The following DENND1A variants were observed in gnomAD, a reference collection of about 807,000 sequenced individuals.
The protein encoded by DENND1A is DENN domain-containing protein 1A.
Under a neutral mutation model 113.7 loss-of-function variants are expected in DENND1A, and 51 were observed. The observed-to-expected ratio is 0.45, with a 90% CI of 0.36 to 0.57. The LOEUF is 0.57. Among genes scored for constraint, DENND1A ranks in the 20% least tolerant of loss-of-function variants. The pLI, the probability that DENND1A is intolerant of heterozygous loss-of-function variation, is 0.00. For synonymous variants in DENND1A, 565 were observed against 570.8 expected, an observed-to-expected ratio of 0.99 and a Z score of 0.14; for missense variants, 1,258 against 1,395.9, an observed-to-expected ratio of 0.90 and a Z score of 1.57.
rs754548266 is a variant in DENND1A, at chr9:123,382,031, A to C, written c.2614T>G (p.Phe872Val). The C allele has an allele frequency of 2.4e-6, 3 of 1,234,032 alleles. No individual in the cohort carries two copies. The highest frequency in any genetic ancestry group is 3.3e-5 in the South Asian group (2 of 60,118). The allele number at this position is 1,234,032 out of a possible 1,614,324, so 76.4% of individuals were successfully genotyped here. A position where few individuals can be genotyped will look rare whatever the true frequency, so the allele number is the denominator to read the frequency against. Residue 872 changes from phenylalanine to valine, a missense_variant, in exon 24 of 24, where the codon TTC becomes GTC. Physicochemically the swap from Phe to Val is conservative, Grantham distance 50. Transcript: ENST00000394215. ...RPATPNVATP[F>V]TPQFSFPPAG... ...GGGGGGAAGCTGAATTGGGGGGTGAATGGGGTGGCTACATTCGGGGTGGCG... is the reference window on the plus strand; with the variant it reads ...GGGGGGAAGCTGAATTGGGGGGTGACTGGGGTGGCTACATTCGGGGTGGCG...
At chr9:123,666,300 T>G (rs1004254990) in intron 8 of DENND1A, among the ~76,000 whole-genome samples, 1 of 152,222 alleles carries the variant, frequency 6.6e-6, no homozygotes. Flanking sequence ...ATAATCATAG[T>G]AAAACATTTT....
At chr9:123,879,636 T>A (rs1030406483) in intron 1 of DENND1A, among the ~76,000 whole-genome samples, 3 of 152,182 alleles carry the variant, frequency 2.0e-5, no homozygotes, top group Admixed American at 1.3e-4. Context: ...TTTACAGATG[T>A]CACATTTCCA....
In DENND1A at chr9:123,569,985, C is replaced by T. The variant is rs537810481; in HGVS notation, c.868-12290G>A. 7.6e-4 allele frequency among the ~76,000 whole-genome samples: 116 copies of T among 152,300 alleles called. 2 individuals are homozygous for T. Among genetic ancestry groups the T allele is most frequent in the Admixed American group, 7.6e-3 (116 of 15,304 alleles). ...GTGACCATTCCCAATCTGGTCCCTC[C>T]TGTCTATTTGGGTCTCATCTTTTGT... On this transcript the variant is annotated intron_variant, in intron 12 of 23. Coordinates refer to ENST00000394215, the MANE Select transcript of DENND1A (RefSeq NM_001352964.2).
chr9:123,630,063 CAG>C (rs2061407905), intron 10 of DENND1A, among the ~76,000 whole-genome samples: 1 of 151,996 alleles, frequency 6.6e-6, no homozygotes, highest in Admixed American at 6.6e-5. Flanking sequence ...ATTATTGAGA[CAG>C]AGTCTCACTC....
intron 1 of DENND1A, among the ~76,000 whole-genome samples, chr9:123,911,814 C>G (rs1213081182): frequency 6.6e-6 from 1 of 152,024 alleles, no homozygotes; most frequent in Non-Finnish European, 1.5e-5. Context: ...CCTCAGCCTC[C>G]CAAGTTGCTG....
rs369206482 is a variant in DENND1A, at chr9:123,566,202, T to C, written c.868-8507A>G. Among the ~76,000 whole-genome samples, 3 of 152,322 alleles carry C rather than the reference T, an allele frequency of 2.0e-5. No individual in the cohort carries two copies. In the East Asian group the frequency reaches 5.8e-4, roughly 29 times the overall value. The stretch of plus-strand genomic sequence containing the variant: ...AAATTAGATATGTCCATGATACTGG[T>C]TTATTTTTTCCCTGATTTAATATAT... On this transcript the variant is annotated intron_variant, in intron 12 of 23. Coordinates refer to ENST00000394215, the MANE Select transcript of DENND1A (RefSeq NM_001352964.2).
At chr9:123,477,578 G>C (rs976970184) in intron 13 of DENND1A, among the ~76,000 whole-genome samples, 1 of 151,678 alleles carries the variant, frequency 6.6e-6, no homozygotes, top group African/African-American at 2.4e-5. Flanking sequence ...ACACACTCTG[G>C]GGCCTGTCGG....
At chr9:123,504,388 T>C (rs2052739876) in intron 13 of DENND1A, among the ~76,000 whole-genome samples, 2 of 152,186 alleles carry the variant, frequency 1.3e-5, no homozygotes, top group South Asian at 4.1e-4. Flanking sequence ...GGTTTGTCTT[T>C]GTATACCTGA....
intron 13 of DENND1A, among the ~76,000 whole-genome samples, chr9:123,493,319 G>T (rs2051552990): frequency 6.6e-6 from 1 of 152,204 alleles, no homozygotes; most frequent in South Asian, 2.1e-4. Context: ...AGGTTGGGGG[G>T]AGACTTGGTT....
At chr9:123,609,582 C>T (rs566599107) in intron 10 of DENND1A, 101 bp from the exon 11 acceptor site, 33 of 1,304,170 alleles carry the variant, frequency 2.5e-5, no homozygotes, top group Middle Eastern at 1.9e-4. Flanking sequence ...TTTTAATAAA[C>T]GTATGCATAG....
intron 13 of DENND1A, among the ~76,000 whole-genome samples, chr9:123,460,714 G>A (rs2048459745): frequency 6.6e-6 from 1 of 152,152 alleles, no homozygotes; most frequent in Non-Finnish European, 1.5e-5. Context: ...TTAAACCACG[G>A]TGGAGGTTTA....
chr9:123,795,965 T>C (rs1833698961), intron 2 of DENND1A, among the ~76,000 whole-genome samples: 1 of 152,202 alleles, frequency 6.6e-6, no homozygotes, highest in Non-Finnish European at 1.5e-5. Context: ...AATCTAGTGG[T>C]ACATAGCACA....
intron 5 of DENND1A, among the ~76,000 whole-genome samples, chr9:123,713,800 T>C (rs879537892): frequency 8.5e-5 from 13 of 152,192 alleles, no homozygotes; most frequent in African/African-American, 1.7e-4. Flanking sequence ...AATAACATTA[T>C]TGTCACTATT....
intron 9 of DENND1A, among the ~76,000 whole-genome samples, chr9:123,651,419 C>A (rs1051914851): frequency 6.6e-6 from 1 of 152,270 alleles, no homozygotes. Context: ...CGCGCACACA[C>A]ACACTCTCTC....
chr9:123,442,750 A>G (rs553650843), intron 18 of DENND1A, among the ~76,000 whole-genome samples: 26 of 152,328 alleles, frequency 1.7e-4, no homozygotes, highest in African/African-American at 6.0e-4. Flanking sequence ...TAAAAATACT[A>G]TCGTCTAGTT....
chr9:123,574,433 G>C (rs2058527121), intron 12 of DENND1A, among the ~76,000 whole-genome samples: 1 of 152,020 alleles, frequency 6.6e-6, no homozygotes, highest in Non-Finnish European at 1.5e-5. Flanking sequence ...ATTTCTTCTT[G>C]AGTCACTTTC....
intron 17 of DENND1A, among the ~76,000 whole-genome samples, chr9:123,452,043 A>AAG (rs1183786802): frequency 6.6e-6 from 1 of 151,118 alleles, no homozygotes; most frequent in Non-Finnish European, 1.5e-5. Context: ...CAAAAAAAAA[A>AAG]AAAAGCCAGG....
intron 12 of DENND1A, among the ~76,000 whole-genome samples, chr9:123,568,787 C>T (rs2058195485): frequency 6.6e-6 from 1 of 152,018 alleles, no homozygotes; most frequent in African/African-American, 2.4e-5. Context: ...GCATCTCCAC[C>T]TCCTCAGGGG....
chr9:123,486,466 C>T (rs764585035), intron 13 of DENND1A, among the ~76,000 whole-genome samples: 14 of 152,192 alleles, frequency 9.2e-5, no homozygotes, highest in South Asian at 4.2e-4. Context: ...CAGCTTGATA[C>T]ACACCGAGAC....
Sources: allele counts gnomAD v4.1 joint callset (sites outside exome capture counted in the v4.1 genomes callset), GRCh38; gene constraint gnomAD v4.1.1; transcripts MANE v1.5; gene names NCBI Gene and HGNC (gene_info 2026-07-23, HGNC 2026-07-21).